Variants in THSD7A observed in about 807,000 individuals in gnomAD.
THSD7A encodes thrombospondin type-1 domain-containing protein 7A.
Under a neutral mutation model 231.3 loss-of-function variants are expected in THSD7A, and 96 were observed. The observed-to-expected ratio is 0.41, with a 90% CI of 0.35 to 0.49. THSD7A has a LOEUF of 0.49. Among genes scored for constraint, THSD7A ranks in the 20% least tolerant of loss-of-function variants. The probability of loss-of-function intolerance (pLI) is 0.05; values close to 1 mark genes in which losing one functional copy is unlikely to be tolerated. For synonymous variants in THSD7A, 940 were observed against 743.3 expected (o/e 1.26, Z -4.30); for missense variants, 2,290 against 2,070.2 (o/e 1.11, Z -2.06).
chr7:11,718,626 T>C (rs1781227433), intron 1 of THSD7A, among the ~76,000 whole-genome samples: 2 of 151,686 alleles, frequency 1.3e-5, no homozygotes, highest in Admixed American at 1.3e-4. Flanking sequence ...CTTTAATCCA[T>C]AGGTCCTGAT....
At chr7:11,545,332 T>A (rs1469073101) in intron 4 of THSD7A, among the ~76,000 whole-genome samples, 1 of 152,104 alleles carries the variant, frequency 6.6e-6, no homozygotes, top group African/African-American at 2.4e-5. Flanking sequence ...ATTTACTGGG[T>A]ATGAAATTGT....
Position 11,636,001 on chromosome 7 carries a change from A to T in THSD7A, c.1022+129T>A. The T allele has an allele frequency of 1.3e-6, 1 of 798,914 alleles. No individual in the cohort carries two copies. The highest frequency in any genetic ancestry group is 1.7e-5 in the African/African-American group (1 of 57,708). The allele number at this position is 798,914 out of a possible 1,614,324, so 49.5% of individuals were successfully genotyped here. On this transcript the variant is annotated intron_variant, in intron 2 of 27. Coordinates refer to ENST00000423059, the MANE Select transcript of THSD7A (RefSeq NM_015204.3). This position sits in a 1 kb window ranked among gnomAD's most constrained non-coding sequence, Gnocchi z 10.0. Reference sequence around the variant, plus strand: ...ACTCACACAAGCTCAGAAGCCTTAAATTTGGGGGTAGCTCATCCTAGGTTG... The same window carrying T: ...ACTCACACAAGCTCAGAAGCCTTAATTTTGGGGGTAGCTCATCCTAGGTTG...
intron 13 of THSD7A, among the ~76,000 whole-genome samples, chr7:11,433,733 C>T (rs1784549036): frequency 6.6e-6 from 1 of 151,950 alleles, no homozygotes; most frequent in African/African-American, 2.4e-5. Context: ...CACTACCCCA[C>T]AGAGTAACAG....
At chr7:11,573,531 C>T (rs1201429888) in intron 4 of THSD7A, among the ~76,000 whole-genome samples, 1 of 152,214 alleles carries the variant, frequency 6.6e-6, no homozygotes, top group Non-Finnish European at 1.5e-5. Context: ...TAATCACGGT[C>T]TTCTGGCTTG....
chr7:11,391,869 G>A (rs111293382), intron 23 of THSD7A, among the ~76,000 whole-genome samples: 6 of 151,966 alleles, frequency 3.9e-5, no homozygotes, highest in African/African-American at 7.2e-5. Flanking sequence ...GACCCCTTGC[G>A]CTCCCCAGGT....
At chr7:11,423,504 G>A (rs1784220918) in intron 16 of THSD7A, among the ~76,000 whole-genome samples, 1 of 151,886 alleles carries the variant, frequency 6.6e-6, no homozygotes, top group Admixed American at 6.6e-5. Context: ...GAGTAGCTGG[G>A]ACTACAGGTG....
At chr7:11,379,334 T>TAACA in intron 25 of THSD7A, 54 bp from the exon 26 acceptor site, 2 of 1,563,280 alleles carry the variant, frequency 1.3e-6, no homozygotes, top group East Asian at 4.5e-5. Context: ...TTTGGAAGTC[T>TAACA]AACAGACCTG....
chr7:11,649,336 C>A (rs1782406116), intron 1 of THSD7A, among the ~76,000 whole-genome samples: 1 of 151,992 alleles, frequency 6.6e-6, no homozygotes, highest in Non-Finnish European at 1.5e-5. Flanking sequence ...GACCCTGAGT[C>A]AGAACCACCT....
At chr7:11,460,512 C>A (rs148998669) in intron 11 of THSD7A, 150 bp downstream of exon 11, 313 of 513,926 alleles carry the variant, frequency 6.1e-4, no homozygotes, top group African/African-American at 5.6e-3. Flanking sequence ...AGACATGTTT[C>A]TATGTCCTGA....
chr7:11,389,421 C>CTTTTTTTTTTT (rs57755425), intron 23 of THSD7A, among the ~76,000 whole-genome samples: 13 of 37,610 alleles, frequency 3.5e-4, no homozygotes, highest in East Asian at 1.2e-3. Flanking sequence ...GCAACTCCTG[C>CTTTTTTTTTTT]TTTTTTTTTT....
intron 1 of THSD7A, among the ~76,000 whole-genome samples, chr7:11,771,475 G>A (rs10252381): frequency 0.019 from 2,851 of 152,166 alleles, 88 homozygotes; most frequent in African/African-American, 0.065. Context: ...TTAAAACATT[G>A]AGAAATGAAG....
At chr7:11,535,419 T>G (rs1353074467) in intron 6 of THSD7A, among the ~76,000 whole-genome samples, 1 of 152,054 alleles carries the variant, frequency 6.6e-6, no homozygotes, top group Non-Finnish European at 1.5e-5. Flanking sequence ...ACACCAACAC[T>G]GAAGGAAAAC....
chr7:11,749,750 T>C (rs1235375554), intron 1 of THSD7A, among the ~76,000 whole-genome samples: 1 of 151,982 alleles, frequency 6.6e-6, no homozygotes, highest in Non-Finnish European at 1.5e-5. Flanking sequence ...CAGATAGAAT[T>C]ATATTGCCAA....
intron 1 of THSD7A, among the ~76,000 whole-genome samples, chr7:11,678,637 A>T (rs546488226): frequency 8.5e-5 from 13 of 152,290 alleles, no homozygotes; most frequent in African/African-American, 3.1e-4. Context: ...CCCTCCCAAG[A>T]CTAAACCAGG....
chr7:11,683,072 G>T (rs1783928475), intron 1 of THSD7A, among the ~76,000 whole-genome samples: 2 of 146,034 alleles, frequency 1.4e-5, no homozygotes, highest in Admixed American at 1.4e-4. Flanking sequence ...AGTGAGCCGA[G>T]ATCATGCTAC....
intron 22 of THSD7A, among the ~76,000 whole-genome samples, chr7:11,403,562 G>A (rs1042755027): frequency 6.6e-5 from 10 of 152,138 alleles, no homozygotes; most frequent in South Asian, 2.1e-4. Context: ...AAAAATTCCT[G>A]TCAATATGAA....
At position 11,831,861 on chromosome 7, in the gene THSD7A, GGCAGCGGCAGCA is replaced by G; in HGVS notation, c.74_85del (p.Leu25_Leu28del). ...CAGCAGGAGCAGCGGCAGCGGCAGCGGCAGCGGCAGCAGCTGCAGGACGCCCCGGCGCGGCCC... is the reference window on the plus strand; with the variant it reads ...CAGCAGGAGCAGCGGCAGCGGCAGCGGCTGCAGGACGCCCCGGCGCGGCCC... On this transcript the variant is annotated inframe_deletion, in exon 1 of 28. Coordinates refer to ENST00000423059, the MANE Select transcript of THSD7A (RefSeq NM_015204.3). This position sits in a 1 kb window ranked among gnomAD's most constrained non-coding sequence, Gnocchi z 5.0. 7.9e-7 allele frequency: 1 copy of G among 1,270,550 alleles called. No homozygotes were observed. The highest frequency in any genetic ancestry group is 1.0e-6 in the Non-Finnish European group (1 of 1,001,140). 78.7% of individuals were successfully genotyped at this position (1,270,550 alleles called of 1,614,324 possible). A position where few individuals can be genotyped will look rare whatever the true frequency, so the allele number is the denominator to read the frequency against.
Position 11,815,322 on chromosome 7 carries a change from T to A in THSD7A, c.190+16435A>T, listed in dbSNP as rs547299744. Among the ~76,000 whole-genome samples the A allele has an allele frequency of 2.0e-5, 3 of 151,892 alleles. No individual in the cohort carries two copies. The East Asian group carries it at 5.8e-4, about 30-fold the overall frequency. ...GACCTGCAGCAGGGTAAGGGAGTGG[T>A]ATTACTTCTCTTAACCAGGTAGTCC... On this transcript the variant is annotated intron_variant, in intron 1 of 27. Coordinates refer to ENST00000423059, the MANE Select transcript of THSD7A (RefSeq NM_015204.3).
intron 1 of THSD7A, among the ~76,000 whole-genome samples, chr7:11,669,971 ATGTG>A (rs35769040): frequency 1.5e-4 from 23 of 150,736 alleles, no homozygotes; most frequent in Middle Eastern, 6.9e-3. Context: ...TGTTGCATTC[ATGTG>A]TGTGTGTGTG....
Sources: allele counts gnomAD v4.1 joint callset (sites outside exome capture counted in the v4.1 genomes callset), GRCh38; gene constraint gnomAD v4.1.1; non-coding constraint Gnocchi (gnomAD v3.1); transcripts MANE v1.5; gene names NCBI Gene and HGNC (gene_info 2026-07-23, HGNC 2026-07-21).